Variants in RNF19B observed in about 807,000 individuals in gnomAD.
RNF19B encodes ring finger protein 19B.
RNF19B carries 23 observed loss-of-function variants against 65.5 expected under a neutral mutation model. The ratio of observed to expected loss-of-function variants is 0.35; its 90% confidence interval spans 0.25 to 0.50. RNF19B has a LOEUF of 0.50. Ranked by LOEUF, RNF19B falls within the 20% of genes least tolerant of loss-of-function variation. RNF19B has a pLI of 0.98. For synonymous variants in RNF19B, 372 were observed against 379.6 expected, an observed-to-expected ratio of 0.98 and a Z score of 0.23; for missense variants, 794 against 980.0, an observed-to-expected ratio of 0.81 and a Z score of 2.53.
intron 7 of RNF19B, among the ~76,000 whole-genome samples, chr1:32,940,526 T>G (rs1642208372): frequency 2.0e-5 from 3 of 152,192 alleles, no homozygotes; most frequent in Admixed American, 1.3e-4. Flanking sequence ...TGGGCTTTCA[T>G]GTTGCTTTTC....
chr1:32,930,896 T>G, the RNF19B span, among the ~76,000 whole-genome samples: 1 of 152,286 alleles, frequency 6.6e-6, no homozygotes, highest in South Asian at 2.1e-4. Flanking sequence ...AAGACCAGCC[T>G]GGCCAACATG....
Position 32,946,448 on chromosome 1 carries a change from G to C in RNF19B, c.1100C>G (p.Ala367Gly). The part of the protein sequence containing the change: ...PVGISLIAGI[A>G]IPAMVIGIPV... ...AATGCCAATGACCATGGCAGGAATG[G>C]CAATGCCAGCAATGAGAGAAATCCC... Residue 367 changes from alanine to glycine, a missense_variant, in exon 4 of 9, where the codon GCC becomes GGC. Ala to Gly is a moderately conservative substitution (Grantham distance 60). Around this residue, in one of 3 missense-constraint regions of RNF19B, gnomAD observed 52 missense variants for 108.8 expected, o/e 0.48. Coordinates refer to ENST00000235150, the MANE Select transcript of RNF19B (RefSeq NM_001300826.2). The C allele has an allele frequency of 6.2e-7, 1 of 1,613,956 alleles. No homozygotes were observed. Among genetic ancestry groups the C allele is most frequent in the Non-Finnish European group, 8.5e-7 (1 of 1,179,874 alleles).
intron 1 of RNF19B, among the ~76,000 whole-genome samples, chr1:32,951,522 C>A (rs1395507165): frequency 2.6e-5 from 4 of 152,230 alleles, no homozygotes; most frequent in East Asian, 1.9e-4. Flanking sequence ...GTGAGGCCAA[C>A]AAGCAGTCAG....
intron 7 of RNF19B, among the ~76,000 whole-genome samples, chr1:32,941,356 A>G (rs1311641174): frequency 1.3e-5 from 2 of 152,084 alleles, no homozygotes; most frequent in Non-Finnish European, 2.9e-5. Flanking sequence ...CAGCCTGGCC[A>G]ACATGAAACC....
intron 1 of RNF19B, among the ~76,000 whole-genome samples, chr1:32,958,898 A>C (rs1570122847): frequency 6.6e-6 from 1 of 152,216 alleles, no homozygotes; most frequent in Middle Eastern, 3.4e-3. Flanking sequence ...CAAATCTGAG[A>C]CAGATGTATT....
chr1:32,941,630 C>A (rs1642234349), intron 7 of RNF19B, among the ~76,000 whole-genome samples: 1 of 152,186 alleles, frequency 6.6e-6, no homozygotes, highest in Non-Finnish European at 1.5e-5. Flanking sequence ...TTTACGAATT[C>A]TATAAAAATG....
chr1:32,945,893 G>C (rs1234508337), intron 4 of RNF19B, among the ~76,000 whole-genome samples: 1 of 140,778 alleles, frequency 7.1e-6, no homozygotes, highest in Non-Finnish European at 1.6e-5. Context: ...TTTTTTTTTG[G>C]AGTCTGTCAT....
intron 7 of RNF19B, among the ~76,000 whole-genome samples, chr1:32,941,965 C>T (rs1427377772): frequency 1.3e-5 from 2 of 151,924 alleles, no homozygotes; most frequent in Non-Finnish European, 1.5e-5. Context: ...GGCGTGGTGG[C>T]GGGTGCCTGT....
At chr1:32,941,675 C>A (rs1430465004) in intron 7 of RNF19B, among the ~76,000 whole-genome samples, 1 of 152,152 alleles carries the variant, frequency 6.6e-6, no homozygotes, top group African/African-American at 2.4e-5. Flanking sequence ...CAGCCTCAGG[C>A]AGTCAAGGGG....
Position 32,964,090 on chromosome 1 carries a change from G to A in RNF19B, c.596C>T (p.Ser199Leu), listed in dbSNP as rs1328195366. 1.3e-6 allele frequency: 2 copies of A among 1,525,944 alleles called. No homozygotes were observed. The highest frequency in any genetic ancestry group is 2.7e-5 in the East Asian group (1 of 37,010). The allele number at this position is 1,525,944 out of a possible 1,614,324, so 94.5% of individuals were successfully genotyped here. Residue 199 changes from serine (S) to leucine (L), a missense_variant, in exon 1 of 9, where the codon TCG becomes TTG. By Grantham distance (145) the Ser-to-Leu change is moderately radical. Transcript: ENST00000235150. The surrounding 1 kb of genome is among the most constrained non-coding windows in gnomAD (Gnocchi z 6.5). ...CGGGCACCAGCGGCAGTCGGGGTCCGAGGCTAGGTAGCGGCGCAGCATGAA... is the reference window on the plus strand; with the variant it reads ...CGGGCACCAGCGGCAGTCGGGGTCCAAGGCTAGGTAGCGGCGCAGCATGAA... Reference protein sequence around the residue: ...EEFMLRRYLASDPDCRWCPAP... With the variant: ...EEFMLRRYLALDPDCRWCPAP...
Position 32,948,333 on chromosome 1 carries a change from G to A in RNF19B, c.872C>T (p.Ala291Val). ...TCCATCATTCATCTTGATAATGTAT[G>A]CACTGCATCGTGGGCATGGCTTGAT... is the stretch of plus-strand genomic sequence containing the variant. ...DDIKPCPRCS[A>V]YIIKMNDGSC... The change falls in exon 3 of 9, where the codon GCA becomes GTA. Residue 291 changes from alanine to valine, a missense_variant. Physicochemically the swap from Ala to Val is moderately conservative, Grantham distance 64. This residue lies in a region of RNF19B where 374 missense variants were observed against 423.8 expected (regional missense o/e 0.88). Transcript: ENST00000235150. The A allele has an allele frequency of 6.2e-7, 1 of 1,613,990 alleles. No homozygotes were observed. Among genetic ancestry groups the A allele is most frequent in the Non-Finnish European group, 8.5e-7 (1 of 1,179,902 alleles).
chr1:32,941,144 G>A (rs954048202), intron 7 of RNF19B, among the ~76,000 whole-genome samples: 2 of 152,146 alleles, frequency 1.3e-5, no homozygotes, highest in East Asian at 1.9e-4. Context: ...GATTGCCTGA[G>A]TCCAGGAAGT....
At position 32,944,036 on chromosome 1, in the gene RNF19B, T is replaced by C; in HGVS notation, c.1385A>G (p.Asp462Gly). 6.2e-7 allele frequency: 1 copy of C among 1,611,436 alleles called. No homozygotes were observed. ...CTTTTTACCTGTGATTGGACCATCA[T>C]CTTCATCAAATTCAATTTTCACTCC... ...GKGVKIEFDE[D>G]DGPITVADAW... The change falls in exon 6 of 9, where the codon GAT (aspartate) becomes GGT (glycine). Residue 462 changes from aspartate (D) to glycine (G), a missense_variant. Physicochemically the swap from Asp to Gly is moderately conservative, Grantham distance 94. Transcript: ENST00000235150.
At chr1:32,950,117 A>C (rs2124152120) in intron 1 of RNF19B, among the ~76,000 whole-genome samples, 1 of 152,072 alleles carries the variant, frequency 6.6e-6, no homozygotes, top group Non-Finnish European at 1.5e-5. Context: ...TTACAGGTGC[A>C]AGCCACCACG....
chr1:32,929,770 T>C, the RNF19B span, among the ~76,000 whole-genome samples: 1 of 152,198 alleles, frequency 6.6e-6, no homozygotes, highest in African/African-American at 2.4e-5. Flanking sequence ...AGATTTGTTT[T>C]GCGTTCTATA....
At chr1:32,957,479 G>A (rs1471437540) in intron 1 of RNF19B, among the ~76,000 whole-genome samples, 2 of 152,314 alleles carry the variant, frequency 1.3e-5, no homozygotes, top group Non-Finnish European at 2.9e-5. Context: ...AGAAAACCAT[G>A]TCTAAGTTCT....
At chr1:32,963,519 C>T (rs1477407231) in intron 1 of RNF19B, among the ~76,000 whole-genome samples, 1 of 151,978 alleles carries the variant, frequency 6.6e-6, no homozygotes, top group Non-Finnish European at 1.5e-5. Context: ...AGTTCGAGAC[C>T]AGCCTAGCCA....
At position 32,949,755 on chromosome 1, in the gene RNF19B, C is replaced by T; in HGVS notation, c.655G>A (p.Gly219Ser). 5.6e-6 allele frequency: 9 copies of T among 1,613,654 alleles called. No individual in the cohort carries two copies. The highest frequency in any genetic ancestry group is 7.6e-6 in the Non-Finnish European group (9 of 1,179,960). ...PDCGYAVIAY[G>S]CASCPKLTCE... is the part of the protein sequence containing the mutation. ...GTTAGCTTCGGGCAGCTGGCACAGC[C>T]ATAGGCAATAACAGCATAACTAGGT... is the stretch of plus-strand genomic sequence containing the variant. Residue 219 changes from glycine (G) to serine (S), a missense_variant, in exon 2 of 9, where the codon GGC becomes AGC. By Grantham distance (56) the Gly-to-Ser change is moderately conservative. Transcript: ENST00000235150.
intron 3 of RNF19B, among the ~76,000 whole-genome samples, chr1:32,947,783 G>A (rs1010578452): frequency 1.2e-4 from 19 of 152,014 alleles, no homozygotes; most frequent in Admixed American, 9.8e-4. Context: ...AGATAGGTAC[G>A]TGAAGTGTAA....
Sources: gnomAD v4.1 joint callset for allele counts (sites outside exome capture counted in the v4.1 genomes callset) on GRCh38, gnomAD v4.1.1 for gene constraint, gnomAD v4.1.1 regional missense constraint, Gnocchi (gnomAD v3.1) non-coding constraint, MANE v1.5 for transcripts, NCBI Gene and HGNC (gene_info 2026-07-23, HGNC 2026-07-21) for gene names.